The following SERPINB9 variants were observed in gnomAD, a reference collection of about 807,000 sequenced individuals.
The protein encoded by SERPINB9 is serpin B9.
In SERPINB9, 20 loss-of-function variants were observed where a neutral mutation model predicts 27.2. The observed-to-expected ratio is 0.74, with a 90% CI of 0.52 to 1.07. The LOEUF is 1.07. Ranked by LOEUF, SERPINB9 falls within the 50% of genes least tolerant of loss-of-function variation. The pLI is 0.00. For synonymous variants in SERPINB9, 189 were observed against 180.0 expected (o/e 1.05, Z -0.40); for missense variants, 476 against 460.1 (o/e 1.03, Z -0.32).
chr6:2,890,199 G>C lies in SERPINB9; in HGVS notation c.1095C>G (p.Asn365Lys). ...FLFFIRHNRA[N>K]SILFCGRFSS... ...AGAACCTGCCACAGAACAGAATGCT[G>C]TTGGCTCTGTTGTGCCTGATGAAGA... is the stretch of plus-strand genomic sequence containing the variant. The change falls in exon 7 of 7, where the codon AAC becomes AAG. Residue 365 changes from asparagine to lysine, a missense_variant. Asn to Lys is a moderately conservative substitution (Grantham distance 94). Coordinates refer to ENST00000380698, the MANE Select transcript of SERPINB9 (RefSeq NM_004155.6). This position sits in a 1 kb window ranked among gnomAD's most constrained non-coding sequence, Gnocchi z 6.2. 6.2e-7 allele frequency: 1 copy of C among 1,614,188 alleles called. No individual in the cohort carries two copies. Among genetic ancestry groups the C allele is most frequent in the Non-Finnish European group, 8.5e-7 (1 of 1,180,024 alleles).
chr6:2,895,957 A>G (rs1180883574), intron 3 of SERPINB9, 96 bp downstream of exon 3: 1 of 1,335,170 alleles, frequency 7.5e-7, no homozygotes, highest in African/African-American at 1.5e-5. Context: ...AAATTGGTTA[A>G]CATAAATTTC....
rs1767768925 is a variant in SERPINB9 at position 2,890,666 on chromosome 6, T to C, written c.724-96A>G. 2 of 1,229,572 alleles carry C rather than the reference T, an allele frequency of 1.6e-6. No individual in the cohort carries two copies. The highest frequency in any genetic ancestry group is 4.3e-5 in the Admixed American group (2 of 46,350). The allele number at this position is 1,229,572 out of a possible 1,614,324, so 76.2% of individuals were successfully genotyped here. A position where few individuals can be genotyped will look rare whatever the true frequency, so the allele number is the denominator to read the frequency against. The stretch of plus-strand genomic sequence containing the variant: ...TTCCCTTCCTCCCCTTGCACGTAGG[T>C]GTTGTTTGTTCACATAGGATCAGTG... On this transcript the variant is annotated intron_variant, in intron 6 of 6. Transcript: ENST00000380698. This position sits in a 1 kb window ranked among gnomAD's most constrained non-coding sequence, Gnocchi z 6.2.
chr6:2,890,049 A>G lies in SERPINB9; in HGVS notation c.*114T>C, dbSNP rs318486. The G allele has an allele frequency of 0.66, 637,776 of 966,470 alleles. 211,752 individuals are homozygous for G. Among genetic ancestry groups the G allele is most frequent in the African/African-American group, 0.69 (42,451 of 61,104 alleles). 59.9% of individuals were successfully genotyped at this position (966,470 alleles called of 1,614,324 possible). ...GCAAATCATGAGGGCAGACAGGTAA[A>G]GAATCTGCCCTCATCTTTGCACTTG... On this transcript the variant is annotated 3_prime_UTR_variant, in exon 7 of 7. Transcript: ENST00000380698. The surrounding 1 kb of genome is among the most constrained non-coding windows in gnomAD (Gnocchi z 6.2).
At chr6:2,900,316 A>ACGGCCAGTGCACACT in intron 2 of SERPINB9, 128 bp downstream of exon 2, 1 of 1,128,488 alleles carries the variant, frequency 8.9e-7, no homozygotes, top group South Asian at 1.5e-5. Context: ...CCTCCCTGAA[A>ACGGCCAGTGCACACT]CGGCCAGTGC....
In SERPINB9 at chr6:2,890,541, G is replaced by A. The variant is rs762698511; in HGVS notation, c.753C>T (p.Leu251=). The A allele has an allele frequency of 3.4e-5, 54 of 1,608,842 alleles. No individual in the cohort carries two copies. In the East Asian group the frequency reaches 1.1e-3, roughly 34 times the overall value. The change falls in exon 7 of 7, where the codon CTC becomes CTT. Residue 251 remains leucine (L), a synonymous_variant. Transcript: ENST00000380698. The surrounding 1 kb of genome is among the most constrained non-coding windows in gnomAD (Gnocchi z 6.2). ...TVEKSLTFEK[L]TAWTKPDCMK... ...TACAGTCTGGCTTGGTCCAGGCTGT[G>A]AGTTTCTCAAAAGTGAGACTTTTTT...
chr6:2,895,395 G>A lies in SERPINB9; in HGVS notation c.420C>T (p.Thr140=), dbSNP rs368042375. 6.4e-5 allele frequency: 103 copies of A among 1,604,872 alleles called. 3 individuals carry two copies. In the South Asian group the frequency reaches 9.2e-4, roughly 14 times the overall value. ...GCAATAACTTGTCATTCTGACCTTCGGTCTTTTTTGAGACCCAGGTGTTGA... is the reference window on the plus strand; with the variant it reads ...GCAATAACTTGTCATTCTGACCTTCAGTCTTTTTTGAGACCCAGGTGTTGA... The part of the protein sequence containing the change: ...KHINTWVSKK[T]EGKIEELLPG... Residue 140 remains threonine (T), a synonymous_variant, in exon 4 of 7, where the codon ACC becomes ACT. Transcript: ENST00000380698.
rs1768155322 is a variant in SERPINB9, at chr6:2,900,369, G to C, written c.168+75C>G. 1.3e-5 allele frequency: 20 copies of C among 1,548,116 alleles called. No homozygotes were observed. In the South Asian group the frequency reaches 1.9e-4, roughly 15 times the overall value. ...CTGCCCTCCTTTCTCAGTGGCTCTG[G>C]AGTGTGAGTGTGAAGCTGGTGACAG... On this transcript the variant is annotated intron_variant, in intron 2 of 6. Coordinates refer to ENST00000380698, the MANE Select transcript of SERPINB9 (RefSeq NM_004155.6).
At chr6:2,896,007 C>CAGGT in intron 3 of SERPINB9, 46 bp downstream of exon 3, 1 of 1,564,568 alleles carries the variant, frequency 6.4e-7, no homozygotes, top group Non-Finnish European at 8.7e-7. Context: ...TCTATATCAC[C>CAGGT]AGGTATGTTG....
At chr6:2,900,885 T>TCTCTCTCTCTCACACACACACA (rs61100591) in intron 1 of SERPINB9, among the ~76,000 whole-genome samples, 1 of 141,482 alleles carries the variant, frequency 7.1e-6, no homozygotes, top group Admixed American at 7.0e-5. Context: ...GCTCGCTCTC[T>TCTCTCTCTCTCACACACACACA]CACACACACA....
At position 2,890,241 on chromosome 6, in the gene SERPINB9, A is replaced by G. The variant is rs752556013; in HGVS notation, c.1053T>C (p.Ala351=). 3 of 1,614,240 alleles carry G rather than the reference A, an allele frequency of 1.9e-6. No individual in the cohort carries two copies. In the East Asian group the frequency reaches 6.7e-5, roughly 36 times the overall value. ...TGATGAAGAAAAGGAAAGGGTGGTCAGCACAGAACCTGGGGCCAGATTCCA... is the reference window on the plus strand; with the variant it reads ...TGATGAAGAAAAGGAAAGGGTGGTCGGCACAGAACCTGGGGCCAGATTCCA... The part of the protein sequence containing the change: ...CCMESGPRFC[A]DHPFLFFIRH... The change falls in exon 7 of 7, where the codon GCT becomes GCC. Residue 351 remains alanine, a synonymous_variant. Transcript: ENST00000380698. The surrounding 1 kb of genome is among the most constrained non-coding windows in gnomAD (Gnocchi z 6.2).
rs1197026250 is a variant in SERPINB9 at position 2,887,668 on chromosome 6, G to A, written c.*2495C>T. The A allele has an allele frequency of 1.3e-5, 2 of 151,890 alleles. No individual in the cohort carries two copies. The highest frequency in any genetic ancestry group is 2.4e-5 in the African/African-American group (1 of 41,308). 9.4% of individuals were successfully genotyped at this position (151,890 alleles called of 1,614,324 possible). ...TCAAGACCAACACGGCCAATGTGGCGAAACCCCGTCTCTACTGAAAAATAC... is the reference window on the plus strand; with the variant it reads ...TCAAGACCAACACGGCCAATGTGGCAAAACCCCGTCTCTACTGAAAAATAC... On this transcript the variant is annotated 3_prime_UTR_variant, in exon 7 of 7. Coordinates refer to ENST00000380698, the MANE Select transcript of SERPINB9 (RefSeq NM_004155.6).
At position 2,891,936 on chromosome 6, in the gene SERPINB9, G is replaced by C. The variant is rs764074326; in HGVS notation, c.620C>G (p.Ala207Gly). Residue 207 changes from alanine (A) to glycine (G), a missense_variant, in exon 6 of 7, where the codon GCC (alanine) becomes GGC (glycine). Coordinates refer to ENST00000380698, the MANE Select transcript of SERPINB9 (RefSeq NM_004155.6). The surrounding 1 kb of genome is among the most constrained non-coding windows in gnomAD (Gnocchi z 4.0). ...CTGCGCGCGCACCTCGCCCACGTGG[G>C]CGAGCTTAAACGTGGCCTCCTGATA... ...MMYQEATFKL[A>G]HVGEVRAQLL... 1 of 1,612,920 alleles carries C rather than the reference G, an allele frequency of 6.2e-7. No homozygotes were observed. Among genetic ancestry groups the C allele is most frequent in the Non-Finnish European group, 8.5e-7 (1 of 1,179,848 alleles).
rs1167012631 is a variant in SERPINB9 at position 2,890,136 on chromosome 6, T to C, written c.*27A>G. On this transcript the variant is annotated 3_prime_UTR_variant, in exon 7 of 7. Transcript: ENST00000380698. The surrounding 1 kb of genome is among the most constrained non-coding windows in gnomAD (Gnocchi z 6.2). ...ATCTGGGGACACAGGAAGAGGGAAA[T>C]GGCCGAGTGCACGGTAAGTGCACCC... The C allele has an allele frequency of 6.3e-7, 1 of 1,591,588 alleles. No homozygotes were observed.
Position 2,896,094 on chromosome 6 carries a change from C to G in SERPINB9, c.265G>C (p.Ala89Pro), listed in dbSNP as rs1380547093. 10 of 1,613,844 alleles carry G rather than the reference C, an allele frequency of 6.2e-6. No homozygotes were observed. Among genetic ancestry groups the G allele is most frequent in the Non-Finnish European group, 8.5e-6 (10 of 1,179,924 alleles). The change falls in exon 3 of 7, where the codon GCC (alanine) becomes CCC (proline). Residue 89 changes from alanine to proline, a missense_variant. Coordinates refer to ENST00000380698, the MANE Select transcript of SERPINB9 (RefSeq NM_004155.6). ...GTTTTCTCTCCAAAGAGCCTGTTGGCCGTTCTCAGCAGGTACTGTGTGCCA... is the reference window on the plus strand; with the variant it reads ...GTTTTCTCTCCAAAGAGCCTGTTGGGCGTTCTCAGCAGGTACTGTGTGCCA... ...KAGTQYLLRT[A>P]NRLFGEKTCQ...
At chr6:2,899,872 A>G (rs950913866) in intron 2 of SERPINB9, 5 of 451,486 alleles carry the variant, frequency 1.1e-5, no homozygotes, top group Non-Finnish European at 2.2e-5. Context: ...TCTCCTTTCC[A>G]CAAAGGTCTG....
rs551163550 is a variant in SERPINB9, at chr6:2,899,416, C to T, written c.168+1028G>A. 9.2e-5 allele frequency among the ~76,000 whole-genome samples: 14 copies of T among 152,340 alleles called. 1 individual carries two copies. The highest frequency in any genetic ancestry group is 3.4e-4 in the African/African-American group (14 of 41,572). On this transcript the variant is annotated intron_variant, in intron 2 of 6. Coordinates refer to ENST00000380698, the MANE Select transcript of SERPINB9 (RefSeq NM_004155.6). ...ACACAACAAAATACTTGTGCAAGGA[C>T]ATCTACCCAGGAACTCCCCATCCAA...
In SERPINB9 at chr6:2,890,037, G is replaced by T; in HGVS notation, c.*126C>A. 1.2e-6 allele frequency: 1 copy of T among 811,814 alleles called. No homozygotes were observed. Among genetic ancestry groups the T allele is most frequent in the Non-Finnish European group, 1.9e-6 (1 of 526,384 alleles). 50.3% of individuals were successfully genotyped at this position (811,814 alleles called of 1,614,324 possible). A position where few individuals can be genotyped will look rare whatever the true frequency, so the allele number is the denominator to read the frequency against. On this transcript the variant is annotated 3_prime_UTR_variant, in exon 7 of 7. Transcript: ENST00000380698. This position sits in a 1 kb window ranked among gnomAD's most constrained non-coding sequence, Gnocchi z 6.2. Reference sequence around the variant, plus strand: ...GAATTCATGCTGGCAAATCATGAGGGCAGACAGGTAAAGAATCTGCCCTCA... The same window carrying T: ...GAATTCATGCTGGCAAATCATGAGGTCAGACAGGTAAAGAATCTGCCCTCA...
chr6:2,891,968 C>T lies in SERPINB9; in HGVS notation c.588G>A (p.Gln196=), dbSNP rs12207910. The change falls in exon 6 of 7, where the codon CAG becomes CAA. Residue 196 remains glutamine, a synonymous_variant. Coordinates refer to ENST00000380698, the MANE Select transcript of SERPINB9 (RefSeq NM_004155.6). This position sits in a 1 kb window ranked among gnomAD's most constrained non-coding sequence, Gnocchi z 4.0. ...KINQEEQRPV[Q]MMYQEATFKL... is the part of the protein sequence containing the mutation. ...TAAACGTGGCCTCCTGATACATCATCTGCACTGGCCTTTGCTCCTCCTGGG... is the reference window on the plus strand; with the variant it reads ...TAAACGTGGCCTCCTGATACATCATTTGCACTGGCCTTTGCTCCTCCTGGG... 17 of 1,613,654 alleles carry T rather than the reference C, an allele frequency of 1.1e-5. No individual in the cohort carries two copies. Among genetic ancestry groups the T allele is most frequent in the South Asian group, 8.8e-5 (8 of 91,076 alleles).
chr6:2,898,098 A>C (rs1768061865), intron 2 of SERPINB9, among the ~76,000 whole-genome samples: 1 of 152,078 alleles, frequency 6.6e-6, no homozygotes, highest in African/African-American at 2.4e-5. Context: ...CAAAACAAAC[A>C]AAACAAACAA....
Sources: gnomAD v4.1 joint callset for allele counts (sites outside exome capture counted in the v4.1 genomes callset) on GRCh38, gnomAD v4.1.1 for gene constraint, Gnocchi (gnomAD v3.1) non-coding constraint, MANE v1.5 for transcripts, NCBI Gene and HGNC (gene_info 2026-07-23, HGNC 2026-07-21) for gene names.